The following CACYBP variants were observed in gnomAD, a reference collection of about 807,000 sequenced individuals.
CACYBP encodes calcyclin-binding protein.
CACYBP carries 11 observed loss-of-function variants against 29.6 expected under a neutral mutation model. The observed-to-expected ratio is 0.37, with a 90% CI of 0.23 to 0.61. The LOEUF is 0.61. Among genes scored for constraint, CACYBP ranks in the 20% least tolerant of loss-of-function variants. The pLI, the probability that CACYBP is intolerant of heterozygous loss-of-function variation, is 0.65. For missense variants in CACYBP, 163 were observed against 260.7 expected, an observed-to-expected ratio of 0.63 and a Z score of 2.58; for synonymous variants, 73 against 88.3, an observed-to-expected ratio of 0.83 and a Z score of 0.97.
rs771406293 is a variant in CACYBP at position 175,000,131 on chromosome 1, TC to T, written c.-48del. ...GAGGGCTCGGCGCGGGGTTTCCTGTTCCTCCTTCTGCGCGGCTGCAGCTCGG... is the reference window on the plus strand; with the variant it reads ...GAGGGCTCGGCGCGGGGTTTCCTGTTCTCCTTCTGCGCGGCTGCAGCTCGG... On this transcript the variant is annotated 5_prime_UTR_variant, in exon 1 of 6. Coordinates refer to ENST00000367679, the MANE Select transcript of CACYBP (RefSeq NM_014412.3). 36 of 1,584,476 alleles carry T rather than the reference TC, an allele frequency of 2.3e-5. No homozygotes were observed. The Middle Eastern group carries it at 2.0e-3, about 88-fold the overall frequency.
Position 175,010,097 on chromosome 1 carries a change from G to A in CACYBP, c.*18G>A, listed in dbSNP as rs1802324. The A allele has an allele frequency of 1.9e-6, 3 of 1,608,848 alleles. No homozygotes were observed. Among genetic ancestry groups the A allele is most frequent in the Non-Finnish European group, 2.5e-6 (3 of 1,177,020 alleles). ...AATTTTGAGACTTTAAAGTCGTTTT[G>A]GGAACTGTGATGTGATGTGGAAATA... On this transcript the variant is annotated 3_prime_UTR_variant, in exon 6 of 6. Coordinates refer to ENST00000367679, the MANE Select transcript of CACYBP (RefSeq NM_014412.3).
chr1:175,007,441 A>T (rs770756824), intron 4 of CACYBP, among the ~76,000 whole-genome samples: 5 of 152,218 alleles, frequency 3.3e-5, no homozygotes, highest in Non-Finnish European at 7.3e-5. Context: ...GAAACCTAAA[A>T]TATTTACTAT....
chr1:175,008,100 TTCTTTC>T (rs1672661064), intron 4 of CACYBP, among the ~76,000 whole-genome samples: 1 of 152,158 alleles, frequency 6.6e-6, no homozygotes, highest in African/African-American at 2.4e-5. Context: ...TACATTGCCC[TTCTTTC>T]TCACTTTCAA....
In CACYBP at chr1:175,010,140, G is replaced by A. The variant is rs1672714606; in HGVS notation, c.*61G>A. ...TGGAAATACTGATGTTTCCAGTAAG[G>A]GAATATTGGTGAGCTGCATATATAA... On this transcript the variant is annotated 3_prime_UTR_variant, in exon 6 of 6. Transcript: ENST00000367679. 1.4e-6 allele frequency: 2 copies of A among 1,410,082 alleles called. No individual in the cohort carries two copies. The highest frequency in any genetic ancestry group is 2.3e-5 in the East Asian group (1 of 43,448). 87.3% of individuals were successfully genotyped at this position (1,410,082 alleles called of 1,614,324 possible).
intron 4 of CACYBP, 80 bp from the exon 5 acceptor site, chr1:175,008,529 G>A: frequency 1.3e-6 from 1 of 769,778 alleles, no homozygotes; most frequent in Non-Finnish European, 2.3e-6. Flanking sequence ...TTGATCAATT[G>A]AATAGATAAT....
chr1:175,009,113 G>A (rs74128531), intron 5 of CACYBP, among the ~76,000 whole-genome samples: 2 of 152,186 alleles, frequency 1.3e-5, no homozygotes, highest in South Asian at 2.1e-4. Flanking sequence ...TGATACTTGC[G>A]TTCTAGGTCA....
At chr1:175,006,679 G>C (rs757638435) in intron 2 of CACYBP, 66 bp from the exon 3 acceptor site, 2 of 776,988 alleles carry the variant, frequency 2.6e-6, no homozygotes, top group South Asian at 3.0e-5. Flanking sequence ...TGAGCCATGT[G>C]CATTTGCTGT....
intron 5 of CACYBP, 162 bp downstream of exon 5, chr1:175,008,868 G>A: frequency 1.7e-6 from 1 of 592,498 alleles, no homozygotes; most frequent in Non-Finnish European, 3.1e-6. Flanking sequence ...TGTAGTTAAG[G>A]GTTGGCTCTT....
intron 1 of CACYBP, chr1:175,000,631 C>G: frequency 9.7e-7 from 1 of 1,029,636 alleles, no homozygotes; most frequent in Non-Finnish European, 1.2e-6. Flanking sequence ...TTGAATTCTC[C>G]TAGTCAGGTT....
At position 175,000,076 on chromosome 1, in the gene CACYBP, C is replaced by G. The variant is rs551275986; in HGVS notation, c.-105C>G. The G allele has an allele frequency of 1.4e-6, 2 of 1,465,848 alleles. No individual in the cohort carries two copies. The highest frequency in any genetic ancestry group is 2.8e-5 in the African/African-American group (2 of 70,976). 90.8% of individuals were successfully genotyped at this position (1,465,848 alleles called of 1,614,324 possible). ...GTGGGCGCAGGCTGCAGCGCCGCGACTCGTGCGGGTAGGCGTCTGCGCTCG... is the reference window on the plus strand; with the variant it reads ...GTGGGCGCAGGCTGCAGCGCCGCGAGTCGTGCGGGTAGGCGTCTGCGCTCG... On this transcript the variant is annotated 5_prime_UTR_variant, in exon 1 of 6. Transcript: ENST00000367679.
At chr1:175,006,188 C>T (rs1672616787) in intron 2 of CACYBP, among the ~76,000 whole-genome samples, 1 of 152,114 alleles carries the variant, frequency 6.6e-6, no homozygotes, top group Non-Finnish European at 1.5e-5. Context: ...TTTGATAATA[C>T]ATACTGAAAT....
intron 1 of CACYBP, chr1:175,000,443 T>G (rs929573761): frequency 2.0e-5 from 28 of 1,372,306 alleles, no homozygotes; most frequent in Non-Finnish European, 2.5e-5. Context: ...CGATTATCCG[T>G]GCAGGCGGTG....
intron 1 of CACYBP, chr1:175,000,397 C>T: frequency 1.4e-6 from 2 of 1,412,734 alleles, no homozygotes; most frequent in Non-Finnish European, 1.8e-6. Flanking sequence ...GACCTCGCAC[C>T]CCACTCGCCT....
In CACYBP at chr1:175,011,533, T is replaced by TAACTA. The variant is rs1409350642; in HGVS notation, c.*1455_*1459dup. 2 of 152,206 alleles carry TAACTA rather than the reference T, an allele frequency of 1.3e-5. No homozygotes were observed. The highest frequency in any genetic ancestry group is 2.9e-5 in the Non-Finnish European group (2 of 68,032). 9.4% of individuals were successfully genotyped at this position (152,206 alleles called of 1,614,324 possible). A position where few individuals can be genotyped will look rare whatever the true frequency, so the allele number is the denominator to read the frequency against. ...AATAAATAAAACTATTGATCAATTTTAACTACATAAAAATGTTTATAGGAC... is the reference window on the plus strand; with the variant it reads ...AATAAATAAAACTATTGATCAATTTTAACTAAACTACATAAAAATGTTTATAGGAC... On this transcript the variant is annotated 3_prime_UTR_variant, in exon 6 of 6. Transcript: ENST00000367679.
chr1:175,005,094 CACAG>C, intron 2 of CACYBP: 2 of 453,960 alleles, frequency 4.4e-6, no homozygotes, highest in Non-Finnish European at 8.1e-6. Context: ...CAGTATAAGA[CACAG>C]CTTTGGTGGT....
intron 5 of CACYBP, 154 bp downstream of exon 5, chr1:175,008,860 T>C (rs970946022): frequency 1.3e-5 from 8 of 601,452 alleles, no homozygotes; most frequent in Non-Finnish European, 2.4e-5. Flanking sequence ...AAGGTCTTTG[T>C]AGTTAAGGGT....
intron 3 of CACYBP, 26 bp downstream of exon 3, chr1:175,006,867 A>G (rs1387150387): frequency 8.0e-7 from 1 of 1,243,304 alleles, no homozygotes; most frequent in East Asian, 2.3e-5. Flanking sequence ...AATGGGAAAG[A>G]CAGTGAATTA....
In CACYBP at chr1:175,000,056, C is replaced by G. The variant is rs1344398532; in HGVS notation, c.-125C>G. ...CGATCTTGCGCAGGGTCGGTGTGGG[C>G]GCAGGCTGCAGCGCCGCGACTCGTG... On this transcript the variant is annotated 5_prime_UTR_variant, in exon 1 of 6. Transcript: ENST00000367679. 2.2e-6 allele frequency: 3 copies of G among 1,349,850 alleles called. No individual in the cohort carries two copies. Among genetic ancestry groups the G allele is most frequent in the Non-Finnish European group, 3.1e-6 (3 of 967,560 alleles). The allele number at this position is 1,349,850 out of a possible 1,614,324, so 83.6% of individuals were successfully genotyped here. A position where few individuals can be genotyped will look rare whatever the true frequency, so the allele number is the denominator to read the frequency against.
intron 5 of CACYBP, 90 bp from the exon 6 acceptor site, chr1:175,009,833 C>T: frequency 3.2e-6 from 3 of 944,462 alleles, no homozygotes; most frequent in Non-Finnish European, 3.2e-6. Context: ...CCTTCTTATC[C>T]CTCTACTTCC....
Sources: gnomAD v4.1 joint callset for allele counts (sites outside exome capture counted in the v4.1 genomes callset) on GRCh38, gnomAD v4.1.1 for gene constraint, MANE v1.5 for transcripts, NCBI Gene and HGNC (gene_info 2026-07-23, HGNC 2026-07-21) for gene names.